NKAIN3: variants seen among roughly 807,000 people sequenced by gnomAD.
NKAIN3 encodes the protein sodium/potassium transporting ATPase interacting 3.
NKAIN3 carries 25 observed loss-of-function variants against 30.2 expected under a neutral mutation model. That is an observed-to-expected ratio of 0.83 (90% CI 0.60 to 1.16). The LOEUF is 1.16. NKAIN3 is among the 50% of genes most tolerant of loss of function. NKAIN3 has a pLI of 0.00. For synonymous variants in NKAIN3, 91 were observed against 89.6 expected (o/e 1.02, Z -0.09); for missense variants, 225 against 254.1 (o/e 0.89, Z 0.78).
chr8:62,537,098 T>C (rs1278469033), intron 1 of NKAIN3, among the ~76,000 whole-genome samples: 1 of 152,180 alleles, frequency 6.6e-6, no homozygotes. Context: ...ATGTCTTTAC[T>C]TTGGGATACA....
rs916633165 is a variant in NKAIN3 at position 62,981,000 on chromosome 8, C to T, written c.*15593C>T. On this transcript the variant is annotated 3_prime_UTR_variant, in exon 7 of 7. Coordinates refer to ENST00000623646, the MANE Select transcript of NKAIN3 (RefSeq NM_001304533.3). ...AAATTTCTCTTTGTGTTCCTAGGCCCACAAAGTCTTTGGTCTGAAGACTCA... is the reference window on the plus strand; with the variant it reads ...AAATTTCTCTTTGTGTTCCTAGGCCTACAAAGTCTTTGGTCTGAAGACTCA... The T allele has an allele frequency of 1.3e-5, 2 of 152,130 alleles. No homozygotes were observed. Among genetic ancestry groups the T allele is most frequent in the Admixed American group, 6.6e-5 (1 of 15,264 alleles). 9.4% of individuals were successfully genotyped at this position (152,130 alleles called of 1,614,324 possible).
At chr8:62,963,177 G>A (rs940391912) in intron 6 of NKAIN3, among the ~76,000 whole-genome samples, 27 of 152,220 alleles carry the variant, frequency 1.8e-4, no homozygotes, top group African/African-American at 6.5e-4. Context: ...ACAGGCGTGA[G>A]CCACTGTGCC....
At chr8:62,374,466 G>T (rs1817013260) in intron 1 of NKAIN3, among the ~76,000 whole-genome samples, 1 of 152,176 alleles carries the variant, frequency 6.6e-6, no homozygotes, top group Non-Finnish European at 1.5e-5. Flanking sequence ...GAGAATTCAG[G>T]AGTCCAGGCT....
At chr8:62,377,244 C>T (rs4738966) in intron 1 of NKAIN3, among the ~76,000 whole-genome samples, 21,001 of 152,084 alleles carry the variant, frequency 0.14, 1,711 homozygotes, top group East Asian at 0.4. Flanking sequence ...TTCTTTGTAT[C>T]TACTACACAC....
At position 62,295,386 on chromosome 8, in the gene NKAIN3, T is replaced by C. The variant is rs73683085; in HGVS notation, c.54+46259T>C. On this transcript the variant is annotated intron_variant, in intron 1 of 6. Coordinates refer to ENST00000623646, the MANE Select transcript of NKAIN3 (RefSeq NM_001304533.3). The stretch of plus-strand genomic sequence containing the variant: ...TGATAGGTGTGTCAGGCAAACATCC[T>C]AATGATATCAGACTCAGCGTGATTT... Among the ~76,000 whole-genome samples, 865 of 152,286 alleles carry C rather than the reference T, an allele frequency of 5.7e-3. 13 individuals are homozygous for C. The highest frequency in any genetic ancestry group is 0.02 in the African/African-American group (829 of 41,566).
At chr8:62,898,722 G>T (rs1821512567) in intron 4 of NKAIN3, among the ~76,000 whole-genome samples, 1 of 152,022 alleles carries the variant, frequency 6.6e-6, no homozygotes, top group Non-Finnish European at 1.5e-5. Flanking sequence ...AAGCAAAAAT[G>T]GACAAATGGG....
At chr8:62,749,800 A>C (rs1816216752) in intron 4 of NKAIN3, among the ~76,000 whole-genome samples, 1 of 148,756 alleles carries the variant, frequency 6.7e-6, no homozygotes, top group Non-Finnish European at 1.5e-5. Context: ...CTCCTGCCTC[A>C]GCCTCCCGAG....
intron 3 of NKAIN3, among the ~76,000 whole-genome samples, chr8:62,638,531 A>C (rs901738783): frequency 6.6e-6 from 1 of 152,180 alleles, no homozygotes; most frequent in African/African-American, 2.4e-5. Context: ...AAACGTCTAC[A>C]TGCCCTTGGA....
At chr8:62,714,783 A>G (rs909936438) in intron 3 of NKAIN3, among the ~76,000 whole-genome samples, 1 of 152,226 alleles carries the variant, frequency 6.6e-6, no homozygotes, top group African/African-American at 2.4e-5. Context: ...TTCAAACACA[A>G]GCACCTGCAT....
chr8:62,446,009 G>T (rs1264924100), intron 1 of NKAIN3, among the ~76,000 whole-genome samples: 1 of 152,128 alleles, frequency 6.6e-6, no homozygotes, highest in African/African-American at 2.4e-5. Context: ...AGAAATGATG[G>T]TGTTATGAAG....
chr8:62,783,271 C>T (rs1264542218), intron 4 of NKAIN3, among the ~76,000 whole-genome samples: 1 of 151,918 alleles, frequency 6.6e-6, no homozygotes, highest in Non-Finnish European at 1.5e-5. Context: ...GAATTAATGC[C>T]CTTATAAAAG....
At chr8:62,451,368 C>T (rs1026931711) in intron 1 of NKAIN3, among the ~76,000 whole-genome samples, 1 of 148,708 alleles carries the variant, frequency 6.7e-6, no homozygotes, top group Non-Finnish European at 1.5e-5. Context: ...ATCGAATCAC[C>T]TTTCTCTTTT....
At chr8:62,378,864 A>G (rs1817180323) in intron 1 of NKAIN3, among the ~76,000 whole-genome samples, 1 of 152,196 alleles carries the variant, frequency 6.6e-6, no homozygotes, top group African/African-American at 2.4e-5. Context: ...CCACTGGGGC[A>G]CTGCATAGTG....
intron 5 of NKAIN3, among the ~76,000 whole-genome samples, chr8:62,999,062 G>T (rs1345198906): frequency 6.6e-6 from 1 of 151,844 alleles, no homozygotes; most frequent in Non-Finnish European, 1.5e-5. Flanking sequence ...TTTTTAATTG[G>T]GTTATTGCTT....
chr8:62,892,900 G>T (rs937070172), intron 4 of NKAIN3, among the ~76,000 whole-genome samples: 1 of 152,126 alleles, frequency 6.6e-6, no homozygotes, highest in African/African-American at 2.4e-5. Context: ...AACTAGTTCT[G>T]TGGGTCAATT....
intron 1 of NKAIN3, among the ~76,000 whole-genome samples, chr8:62,266,336 G>A (rs563644536): frequency 6.8e-4 from 103 of 152,128 alleles, no homozygotes; most frequent in Non-Finnish European, 2.1e-4. Flanking sequence ...GAAATAGTTC[G>A]AGATTTATGT....
At chr8:62,415,640 G>A (rs963716519) in intron 1 of NKAIN3, among the ~76,000 whole-genome samples, 5 of 151,370 alleles carry the variant, frequency 3.3e-5, no homozygotes, top group Non-Finnish European at 7.4e-5. Context: ...TTGTTGATGT[G>A]TATGCATATC....
chr8:62,911,262 C>T (rs1256987376), intron 4 of NKAIN3, among the ~76,000 whole-genome samples: 1 of 152,068 alleles, frequency 6.6e-6, no homozygotes, highest in African/African-American at 2.4e-5. Flanking sequence ...TCCCATAGTA[C>T]TCAATCAAAA....
chr8:62,896,704 G>A (rs1434501598), intron 4 of NKAIN3, among the ~76,000 whole-genome samples: 2 of 152,176 alleles, frequency 1.3e-5, no homozygotes, highest in African/African-American at 4.8e-5. Context: ...TGCAGAGGTT[G>A]GTTAAGTGGC....
Sources: allele counts gnomAD v4.1 joint callset (sites outside exome capture counted in the v4.1 genomes callset), GRCh38; gene constraint gnomAD v4.1.1; transcripts MANE v1.5; gene names NCBI Gene and HGNC (gene_info 2026-07-23, HGNC 2026-07-21).